PTPRM: variants seen among roughly 807,000 people sequenced by gnomAD.
The protein encoded by PTPRM is protein tyrosine phosphatase receptor type M.
Under a neutral mutation model 186.7 loss-of-function variants are expected in PTPRM, and 47 were observed. That is an observed-to-expected ratio of 0.25 (90% CI 0.20 to 0.32). PTPRM has a LOEUF of 0.32. PTPRM is among the 10% of genes least tolerant of loss of function. PTPRM has a pLI of 1.00. For missense variants in PTPRM, 1,494 were observed against 1,865.0 expected (o/e 0.80, Z 3.66); for synonymous variants, 668 against 674.9 (o/e 0.99, Z 0.16).
intron 7 of PTPRM, among the ~76,000 whole-genome samples, chr18:7,979,783 G>A (rs1334913787): frequency 1.3e-5 from 2 of 152,198 alleles, no homozygotes; most frequent in African/African-American, 4.8e-5. Context: ...GGACACAGGA[G>A]AAGGCTGGGA....
At chr18:8,134,124 C>T (rs2092580620) in intron 13 of PTPRM, among the ~76,000 whole-genome samples, 1 of 152,168 alleles carries the variant, frequency 6.6e-6, no homozygotes, top group South Asian at 2.1e-4. Flanking sequence ...CATTTACTTG[C>T]TCTTTTACTG....
At chr18:7,828,062 T>A in intron 2 of PTPRM, among the ~76,000 whole-genome samples, 1 of 152,194 alleles carries the variant, frequency 6.6e-6, no homozygotes, top group South Asian at 2.1e-4. Context: ...TTAAAAAAAA[T>A]TGTGCTTGTA....
intron 7 of PTPRM, among the ~76,000 whole-genome samples, chr18:7,996,373 T>C (rs1381321055): frequency 1.3e-5 from 2 of 152,096 alleles, no homozygotes; most frequent in East Asian, 3.9e-4. Flanking sequence ...TGATAAAGTC[T>C]CTCAATGAAC....
At chr18:7,740,358 G>A (rs1453412155) in intron 1 of PTPRM, among the ~76,000 whole-genome samples, 3 of 152,298 alleles carry the variant, frequency 2.0e-5, no homozygotes, top group Non-Finnish European at 2.9e-5. Context: ...CAACCTGGGG[G>A]CATAAATGCA....
At chr18:8,307,410 T>C (rs141524603) in intron 20 of PTPRM, among the ~76,000 whole-genome samples, 102 of 152,348 alleles carry the variant, frequency 6.7e-4, no homozygotes, top group African/African-American at 2.4e-3. Flanking sequence ...AGGTATCTCC[T>C]GGGCTTGAGG....
chr18:7,863,929 T>C (rs9952610), intron 2 of PTPRM, among the ~76,000 whole-genome samples: 3,092 of 152,310 alleles, frequency 0.02, 92 homozygotes, highest in African/African-American at 0.071. Flanking sequence ...GTGGTTTTGA[T>C]TTGCATTTCT....
At chr18:7,592,611 G>C (rs942431212) in intron 1 of PTPRM, among the ~76,000 whole-genome samples, 1 of 152,196 alleles carries the variant, frequency 6.6e-6, no homozygotes, top group Non-Finnish European at 1.5e-5. Flanking sequence ...AGAGGAAGAG[G>C]CTCCTCAGTT....
chr18:8,091,906 A>C (rs531856353), intron 11 of PTPRM, among the ~76,000 whole-genome samples: 1 of 152,284 alleles, frequency 6.6e-6, no homozygotes, highest in Admixed American at 6.5e-5. Context: ...ACTGCAGTAC[A>C]AGAAAGCTTT....
In PTPRM at chr18:7,790,892, A is replaced by G. The variant is rs149242390; in HGVS notation, c.196+16621A>G. ...AGTGGTTGCTAACTCTTAATAATTG[A>G]AAATGAAAGTTGGTTTTAAAAAAAA... is the stretch of plus-strand genomic sequence containing the variant. On this transcript the variant is annotated intron_variant, in intron 2 of 32. Transcript: ENST00000580170. 2.8e-3 allele frequency among the ~76,000 whole-genome samples: 433 copies of G among 152,218 alleles called. 5 individuals are homozygous for G. The highest frequency in any genetic ancestry group is 0.01 in the African/African-American group (425 of 41,564).
At chr18:8,240,799 AG>A (rs2094422712) in intron 14 of PTPRM, among the ~76,000 whole-genome samples, 1 of 54,666 alleles carries the variant, frequency 1.8e-5, no homozygotes, top group African/African-American at 1.2e-4. Flanking sequence ...AGAGAGAGAG[AG>A]AGAGAGAGAG....
At chr18:8,077,064 A>G (rs1048321910) in intron 9 of PTPRM, among the ~76,000 whole-genome samples, 9 of 152,196 alleles carry the variant, frequency 5.9e-5, no homozygotes, top group Admixed American at 6.5e-5. Flanking sequence ...AGTTTTGTCT[A>G]CTGAGGCATA....
At chr18:7,984,987 T>G (rs1156922736) in intron 7 of PTPRM, among the ~76,000 whole-genome samples, 2 of 119,246 alleles carry the variant, frequency 1.7e-5, no homozygotes, top group Admixed American at 9.3e-5. Context: ...ATACATATAA[T>G]TATATACATA....
chr18:7,935,842 C>A (rs1203222950), intron 5 of PTPRM, among the ~76,000 whole-genome samples: 2 of 151,990 alleles, frequency 1.3e-5, no homozygotes, highest in African/African-American at 4.8e-5. Flanking sequence ...TAAAGTAGAC[C>A]CTGTGTCTGA....
At chr18:8,372,053 ATTCTTTTTT>A (rs1019981153) in intron 24 of PTPRM, among the ~76,000 whole-genome samples, 4 of 68,516 alleles carry the variant, frequency 5.8e-5, no homozygotes, top group African/African-American at 2.0e-4. Context: ...TCCACTCTAT[ATTCTTTTTT>A]TTTTTTTTTT....
Position 7,594,021 on chromosome 18 carries a change from G to C in PTPRM, c.73+26130G>C, listed in dbSNP as rs926517133. ...CTAAATGGATTAGAGAGCTCCTTGA[G>C]GGGTAGAATTAAGTAGCTTTGTCAC... On this transcript the variant is annotated intron_variant, in intron 1 of 32. Coordinates refer to ENST00000580170, the MANE Select transcript of PTPRM (RefSeq NM_001105244.2). 2.4e-4 allele frequency among the ~76,000 whole-genome samples: 36 copies of C among 152,136 alleles called. 1 individual carries two copies. The highest frequency in any genetic ancestry group is 1.6e-4 in the Non-Finnish European group (11 of 68,030).
chr18:8,242,482 G>A (rs1170254842), intron 14 of PTPRM, among the ~76,000 whole-genome samples: 1 of 152,198 alleles, frequency 6.6e-6, no homozygotes, highest in African/African-American at 2.4e-5. Flanking sequence ...GGAGGAGAGA[G>A]GCTCTAGAAG....
intron 1 of PTPRM, among the ~76,000 whole-genome samples, chr18:7,650,455 C>G (rs912364939): frequency 1.8e-4 from 26 of 145,610 alleles, no homozygotes; most frequent in Admixed American, 1.2e-3. Context: ...CCCCCCCCCC[C>G]CCACTGTAAT....
chr18:8,325,896 T>C (rs2095372861), intron 22 of PTPRM, among the ~76,000 whole-genome samples: 2 of 152,358 alleles, frequency 1.3e-5, no homozygotes, highest in East Asian at 1.9e-4. Flanking sequence ...TGGTATCTCA[T>C]TGTGATTTTA....
rs554007656 is a variant in PTPRM at position 8,254,634 on chromosome 18, A to G, written c.2754+1220A>G. On this transcript the variant is annotated intron_variant, in intron 19 of 32. Transcript: ENST00000580170. ...TTTGAAATCTGTTTCTACCACCTGG[A>G]TAGTCTGTGAGTTTCCAACTCTGTT... Among the ~76,000 whole-genome samples, 5 of 152,274 alleles carry G rather than the reference A, an allele frequency of 3.3e-5. No individual in the cohort carries two copies. The East Asian group carries it at 9.6e-4, about 29-fold the overall frequency.
Sources: gnomAD v4.1 joint callset for allele counts (sites outside exome capture counted in the v4.1 genomes callset) on GRCh38, gnomAD v4.1.1 for gene constraint, MANE v1.5 for transcripts, NCBI Gene and HGNC (gene_info 2026-07-23, HGNC 2026-07-21) for gene names.